Variants in SEMA3E observed in about 807,000 individuals in gnomAD.
SEMA3E encodes semaphorin-3E.
In SEMA3E, 49 loss-of-function variants were observed where a neutral mutation model predicts 93.6. The ratio of observed to expected loss-of-function variants is 0.52; its 90% CI spans 0.42 to 0.66. The LOEUF (loss-of-function observed/expected upper bound fraction) is 0.66, where lower values mean the gene tolerates loss of function less well. Among genes scored for constraint, SEMA3E ranks in the 30% least tolerant of loss-of-function variants. The pLI, the probability that SEMA3E is intolerant of heterozygous loss-of-function variation, is 0.00. For synonymous variants in SEMA3E, 363 were observed against 330.7 expected, an observed-to-expected ratio of 1.10 and a Z score of -1.06; for missense variants, 906 against 964.8, an observed-to-expected ratio of 0.94 and a Z score of 0.81.
intron 1 of SEMA3E, among the ~76,000 whole-genome samples, chr7:83,591,399 C>A (rs962949340): frequency 2.0e-5 from 3 of 151,474 alleles, no homozygotes; most frequent in Admixed American, 2.0e-4. Context: ...AGCGTTCCAA[C>A]TCCAAGTTTG....
intron 1 of SEMA3E, among the ~76,000 whole-genome samples, chr7:83,569,195 A>C (rs1584336903): frequency 6.6e-6 from 1 of 152,104 alleles, no homozygotes; most frequent in Non-Finnish European, 1.5e-5. Flanking sequence ...AAAGATCTCT[A>C]CAAGGAAAAT....
chr7:83,552,546 A>G (rs993778352), intron 1 of SEMA3E, among the ~76,000 whole-genome samples: 1 of 152,208 alleles, frequency 6.6e-6, no homozygotes, highest in Non-Finnish European at 1.5e-5. Flanking sequence ...CTTCTTGCAG[A>G]GAGCCTATAA....
chr7:83,614,173 A>G (rs1470846658), intron 1 of SEMA3E, among the ~76,000 whole-genome samples: 12 of 152,154 alleles, frequency 7.9e-5, no homozygotes, highest in Non-Finnish European at 1.8e-4. Flanking sequence ...TTTAATACCT[A>G]AGATGGGAGA....
At chr7:83,477,357 G>C (rs1057247765) in intron 2 of SEMA3E, among the ~76,000 whole-genome samples, 1 of 151,914 alleles carries the variant, frequency 6.6e-6, no homozygotes, top group Non-Finnish European at 1.5e-5. Context: ...TGTGGCACCA[G>C]TGTCCATCAA....
intron 10 of SEMA3E, 87 bp from the exon 11 acceptor site, chr7:83,400,337 T>G: frequency 8.0e-7 from 1 of 1,248,568 alleles, no homozygotes; most frequent in Non-Finnish European, 1.2e-6. Flanking sequence ...TCAGAAAAAT[T>G]GAAGTTGTCA....
rs141554147 is a variant in SEMA3E, at chr7:83,425,702, T to C, written c.457-7219A>G. ...CCAGTCATTCTGAACTTCTTTTGCC[T>C]GGATATCATTCTGAATATCTCTTTC... On this transcript the variant is annotated intron_variant, in intron 4 of 16. Transcript: ENST00000643230. Among the ~76,000 whole-genome samples the C allele has an allele frequency of 3.1e-3, 467 of 152,302 alleles. 1 individual carries two copies. The highest frequency in any genetic ancestry group is 0.01 in the African/African-American group (432 of 41,574).
At chr7:83,583,836 G>A (rs1452112910) in intron 1 of SEMA3E, among the ~76,000 whole-genome samples, 1 of 152,144 alleles carries the variant, frequency 6.6e-6, no homozygotes, top group Non-Finnish European at 1.5e-5. Flanking sequence ...TGCCTGCGTG[G>A]TTGAGTTGTG....
intron 1 of SEMA3E, among the ~76,000 whole-genome samples, chr7:83,578,197 G>T (rs2115894742): frequency 6.6e-6 from 1 of 151,830 alleles, no homozygotes; most frequent in African/African-American, 2.4e-5. Flanking sequence ...CCACCAGGGA[G>T]TTTTCTTAGA....
intron 1 of SEMA3E, among the ~76,000 whole-genome samples, chr7:83,635,717 G>A (rs1793869278): frequency 1.3e-5 from 2 of 151,660 alleles, no homozygotes; most frequent in African/African-American, 4.8e-5. Flanking sequence ...CAAATAACCT[G>A]GGTTGAGAAA....
At chr7:83,617,444 A>AAATTTTATATAAATATTATAT (rs1793394174) in intron 1 of SEMA3E, among the ~76,000 whole-genome samples, 3 of 99,818 alleles carry the variant, frequency 3.0e-5, no homozygotes, top group African/African-American at 1.1e-4. Context: ...AATTTTATAT[A>AAATTTTATATAAATATTATAT]AATTTTATAT....
intron 12 of SEMA3E, among the ~76,000 whole-genome samples, chr7:83,396,041 ATGTGTGTGTG>A (rs3043167): frequency 2.0e-5 from 3 of 149,110 alleles, no homozygotes; most frequent in Admixed American, 6.7e-5. Flanking sequence ...ATACGACTTG[ATGTGTGTGTG>A]TGTGTGTGTG....
chr7:83,594,079 C>T lies in SEMA3E; in HGVS notation c.115+54349G>A, dbSNP rs1338690108. On this transcript the variant is annotated intron_variant, in intron 1 of 16. Coordinates refer to ENST00000643230, the MANE Select transcript of SEMA3E (RefSeq NM_012431.3). ...ATCACCAGCATCTTTAGTATTGAGG[C>T]TGTTCCATATGGTGAATTATGCCAA... Among the ~76,000 whole-genome samples the T allele has an allele frequency of 2.0e-5, 3 of 152,266 alleles. No individual in the cohort carries two copies. In the East Asian group the frequency reaches 5.8e-4, roughly 29 times the overall value.
rs566547230 is a variant in SEMA3E at position 83,389,757 on chromosome 7, T to C, written c.1668-2707A>G. Reference sequence around the variant, plus strand: ...CATATATACACGTATATATTACATGTATACATATATACACGTATATATTAC... The same window carrying C: ...CATATATACACGTATATATTACATGCATACATATATACACGTATATATTAC... On this transcript the variant is annotated intron_variant, in intron 14 of 16. Coordinates refer to ENST00000643230, the MANE Select transcript of SEMA3E (RefSeq NM_012431.3). 1.5e-3 allele frequency among the ~76,000 whole-genome samples: 211 copies of C among 137,358 alleles called. 1 individual carries two copies. The highest frequency in any genetic ancestry group is 5.4e-3 in the African/African-American group (202 of 37,334). 90.1% of individuals were successfully genotyped at this position (137,358 alleles called of 152,430 possible).
chr7:83,612,306 C>T (rs1190021476), intron 1 of SEMA3E, among the ~76,000 whole-genome samples: 1 of 152,022 alleles, frequency 6.6e-6, no homozygotes, highest in Admixed American at 6.6e-5. Flanking sequence ...CTGTTATATC[C>T]TTGGAATCTA....
In SEMA3E at chr7:83,408,383, C is replaced by G; in HGVS notation, c.655G>C (p.Glu219Gln). 6.2e-7 allele frequency: 1 copy of G among 1,613,814 alleles called. No individual in the cohort carries two copies. The highest frequency in any genetic ancestry group is 1.1e-5 in the South Asian group (1 of 91,086). Residue 219 changes from glutamate to glutamine, a missense_variant, in exon 6 of 17, where the codon GAG becomes CAG. Glu to Gln is a conservative substitution (Grantham distance 29, BLOSUM62 2). Transcript: ENST00000643230. ...LAHIRTEHDD[E>Q]RLLKEPKFVG... ...TCATCCTTACCTTTCAACAGACGCT[C>G]ATCGTCATGCTCAGTGCGGATATGG...
At chr7:83,566,505 T>C (rs957515380) in intron 1 of SEMA3E, among the ~76,000 whole-genome samples, 1 of 152,174 alleles carries the variant, frequency 6.6e-6, no homozygotes, top group Non-Finnish European at 1.5e-5. Context: ...TAATATGACC[T>C]AATATGGTAT....
At chr7:83,522,237 T>G (rs892849504) in intron 1 of SEMA3E, among the ~76,000 whole-genome samples, 3 of 152,120 alleles carry the variant, frequency 2.0e-5, no homozygotes, top group South Asian at 2.1e-4. Context: ...TTTCTATATG[T>G]TTATTTCTAA....
intron 1 of SEMA3E, among the ~76,000 whole-genome samples, chr7:83,639,843 A>G (rs56022007): frequency 0.1 from 15,585 of 151,748 alleles, 952 homozygotes; most frequent in South Asian, 0.18. Flanking sequence ...ATCTCCTAAT[A>G]CAAGTTTCAG....
chr7:83,377,717 A>G (rs1036296989), intron 16 of SEMA3E, among the ~76,000 whole-genome samples: 5 of 152,058 alleles, frequency 3.3e-5, no homozygotes, highest in African/African-American at 9.7e-5. Flanking sequence ...CAGCTTGAAG[A>G]AGCCATGGTT....
Sources: gnomAD v4.1 joint callset for allele counts (sites outside exome capture counted in the v4.1 genomes callset) on GRCh38, gnomAD v4.1.1 for gene constraint, MANE v1.5 for transcripts, NCBI Gene and HGNC (gene_info 2026-07-23, HGNC 2026-07-21) for gene names.